The following CDIP1 variants were observed in gnomAD, a reference collection of about 807,000 sequenced individuals.
The protein encoded by CDIP1 is cell death-inducing p53-target protein 1.
CDIP1 carries 9 observed loss-of-function variants against 17.7 expected under a neutral mutation model. The observed-to-expected ratio is 0.51, with a 90% CI of 0.31 to 0.89. The LOEUF (loss-of-function observed/expected upper bound fraction) is 0.89. CDIP1 is among the 40% of genes least tolerant of loss of function. The probability of loss-of-function intolerance (pLI) is 0.05; values close to 1 mark genes in which losing one functional copy is unlikely to be tolerated. For synonymous variants in CDIP1, 117 were observed against 109.5 expected (o/e 1.07, Z -0.43); for missense variants, 263 against 277.9 (o/e 0.95, Z 0.38).
At position 4,512,553 on chromosome 16, in the gene CDIP1, G is replaced by T. The variant is rs775472252; in HGVS notation, c.*19C>A. ...GGGGGCCAGACTGACAGGCGGGGGA[G>T]TCCCGAGTCCCAGCTCCGTTAGCAC... On this transcript the variant is annotated 3_prime_UTR_variant, in exon 6 of 6. Transcript: ENST00000567695. The surrounding 1 kb of genome is among the most constrained non-coding windows in gnomAD (Gnocchi z 4.6). 1.3e-6 allele frequency: 2 copies of T among 1,572,558 alleles called. No homozygotes were observed. Among genetic ancestry groups the T allele is most frequent in the Admixed American group, 1.7e-5 (1 of 59,904 alleles).
Position 4,512,346 on chromosome 16 carries a change from A to C in CDIP1, c.*226T>G. 1 of 592,596 alleles carries C rather than the reference A, an allele frequency of 1.7e-6. No homozygotes were observed. Among genetic ancestry groups the C allele is most frequent in the East Asian group, 2.8e-5 (1 of 35,574 alleles). The allele number at this position is 592,596 out of a possible 1,614,324, so 36.7% of individuals were successfully genotyped here. Reference sequence around the variant, plus strand: ...AAGCAGACCAACAACACACAAGCTCATTGTCAGCCCCCTGCCACCCACTGA... The same window carrying C: ...AAGCAGACCAACAACACACAAGCTCCTTGTCAGCCCCCTGCCACCCACTGA... On this transcript the variant is annotated 3_prime_UTR_variant, in exon 6 of 6. Coordinates refer to ENST00000567695, the MANE Select transcript of CDIP1 (RefSeq NM_013399.3). The surrounding 1 kb of genome is among the most constrained non-coding windows in gnomAD (Gnocchi z 4.6).
intron 1 of CDIP1, among the ~76,000 whole-genome samples, chr16:4,516,698 C>CTTTTTTTTTTTTTTTTTTT (rs767463500): frequency 2.6e-5 from 2 of 78,056 alleles, no homozygotes; most frequent in Non-Finnish European, 4.5e-5. Flanking sequence ...GTTTTAAATC[C>CTTTTTTTTTTTTTTTTTTT]TTTTTTTTTT....
At chr16:4,529,017 T>C (rs1261463118) in intron 1 of CDIP1, among the ~76,000 whole-genome samples, 2 of 152,042 alleles carry the variant, frequency 1.3e-5, no homozygotes, top group East Asian at 3.8e-4. Context: ...CTACTCCTCA[T>C]ACTCCTCAAT....
At chr16:4,528,196 G>A (rs762266209) in intron 1 of CDIP1, among the ~76,000 whole-genome samples, 5 of 152,206 alleles carry the variant, frequency 3.3e-5, no homozygotes, top group African/African-American at 7.2e-5. Flanking sequence ...GTAGCACAGT[G>A]TGATTCTTCT....
chr16:4,537,478 G>A (rs2059120355), intron 1 of CDIP1, among the ~76,000 whole-genome samples: 1 of 152,188 alleles, frequency 6.6e-6, no homozygotes, highest in African/African-American at 2.4e-5. Context: ...AAGAACCCAG[G>A]AGAGCAGTAA....
At position 4,513,918 on chromosome 16, in the gene CDIP1, C is replaced by T; in HGVS notation, c.86-67G>A. On this transcript the variant is annotated intron_variant, in intron 3 of 5. Coordinates refer to ENST00000567695, the MANE Select transcript of CDIP1 (RefSeq NM_013399.3). This position sits in a 1 kb window ranked among gnomAD's most constrained non-coding sequence, Gnocchi z 4.1. The stretch of plus-strand genomic sequence containing the variant: ...TCTGCACGATGAGCTCGACCAGAGG[C>T]CACTGTTTTGGGACACAGATGGGGC... 1 of 1,470,070 alleles carries T rather than the reference C, an allele frequency of 6.8e-7. No individual in the cohort carries two copies. Among genetic ancestry groups the T allele is most frequent in the Non-Finnish European group, 9.1e-7 (1 of 1,094,816 alleles). The allele number at this position is 1,470,070 out of a possible 1,614,324, so 91.1% of individuals were successfully genotyped here.
In CDIP1 at chr16:4,513,045, G is replaced by T. The variant is rs1234073684; in HGVS notation, c.261C>A (p.Gly87=). ...YMPPGFYPPP[G]PHPPMGYYPP... ...GGTAGTAGCCCATGGGTGGGTGGGG[G>T]CCTGGAGGAGGGTAGAAACCTGGAA... is the stretch of plus-strand genomic sequence containing the variant. The change falls in exon 5 of 6, where the codon GGC becomes GGA. Residue 87 remains glycine, a synonymous_variant. Coordinates refer to ENST00000567695, the MANE Select transcript of CDIP1 (RefSeq NM_013399.3). The surrounding 1 kb of genome is among the most constrained non-coding windows in gnomAD (Gnocchi z 4.1). 1.3e-6 allele frequency: 2 copies of T among 1,593,032 alleles called. No homozygotes were observed. The highest frequency in any genetic ancestry group is 1.3e-5 in the African/African-American group (1 of 74,526).
intron 1 of CDIP1, among the ~76,000 whole-genome samples, chr16:4,519,647 G>C (rs1188713850): frequency 3.9e-5 from 6 of 152,162 alleles, no homozygotes; most frequent in African/African-American, 1.4e-4. Context: ...AGGCTTAATG[G>C]GAGTTGTTTG....
chr16:4,518,321 G>T (rs111699821), intron 1 of CDIP1, among the ~76,000 whole-genome samples: 62 of 152,332 alleles, frequency 4.1e-4, no homozygotes, highest in African/African-American at 1.4e-3. Context: ...ATGATGATAG[G>T]GTGTAAGCCC....
chr16:4,526,668 C>T lies in CDIP1; in HGVS notation c.-104-12004G>A, dbSNP rs567663653. 2.0e-4 allele frequency among the ~76,000 whole-genome samples: 31 copies of T among 151,222 alleles called. No homozygotes were observed. In the South Asian group the frequency reaches 6.5e-3, roughly 32 times the overall value. ...TGAGCTGAGATCGCGCCACTACACTCCAGCCTGGGCAACAGAGTGAGACTC... is the reference window on the plus strand; with the variant it reads ...TGAGCTGAGATCGCGCCACTACACTTCAGCCTGGGCAACAGAGTGAGACTC... On this transcript the variant is annotated intron_variant, in intron 1 of 5. Transcript: ENST00000567695.
At chr16:4,534,241 G>A (rs761512270) in intron 1 of CDIP1, among the ~76,000 whole-genome samples, 10 of 152,126 alleles carry the variant, frequency 6.6e-5, no homozygotes, top group East Asian at 5.8e-4. Flanking sequence ...ATGAGCCACC[G>A]CACCCAGCCC....
In CDIP1 at chr16:4,513,998, G is replaced by T; in HGVS notation, c.85+48C>A. 1 of 1,351,530 alleles carries T rather than the reference G, an allele frequency of 7.4e-7. No individual in the cohort carries two copies. 83.7% of individuals were successfully genotyped at this position (1,351,530 alleles called of 1,614,324 possible). ...ACTTAGAGAGTCCCAACCATGCCAT[G>T]GCGGCAGGGGGCTGCAATATGGAGC... On this transcript the variant is annotated intron_variant, in intron 3 of 5. Transcript: ENST00000567695. The surrounding 1 kb of genome is among the most constrained non-coding windows in gnomAD (Gnocchi z 4.1).
rs1231864050 is a variant in CDIP1 at position 4,513,058 on chromosome 16, T to C, written c.248A>G (p.Tyr83Cys). The C allele has an allele frequency of 1.9e-6, 3 of 1,585,662 alleles. No homozygotes were observed. Among genetic ancestry groups the C allele is most frequent in the Non-Finnish European group, 2.6e-6 (3 of 1,170,052 alleles). Residue 83 changes from tyrosine to cysteine, a missense_variant, in exon 5 of 6, where the codon TAC becomes TGC. By Grantham distance (194) the Tyr-to-Cys change is radical. Transcript: ENST00000567695. This position sits in a 1 kb window ranked among gnomAD's most constrained non-coding sequence, Gnocchi z 4.1. ...GGGTGGGTGGGGGCCTGGAGGAGGG[T>C]AGAAACCTGGAATGGCACAGAAGAT... ...ADGTYMPPGF[Y>C]PPPGPHPPMG...
At chr16:4,515,947 A>C (rs1306655128) in intron 1 of CDIP1, among the ~76,000 whole-genome samples, 1 of 152,206 alleles carries the variant, frequency 6.6e-6, no homozygotes, top group Non-Finnish European at 1.5e-5. Context: ...AAAAGAAATG[A>C]AAACCTGTCT....
At chr16:4,537,932 C>G (rs2059126272) in intron 1 of CDIP1, among the ~76,000 whole-genome samples, 1 of 152,212 alleles carries the variant, frequency 6.6e-6, no homozygotes, top group Non-Finnish European at 1.5e-5. Flanking sequence ...CGCCACATCC[C>G]GACTCCACAC....
At chr16:4,522,530 A>G (rs997448284) in intron 1 of CDIP1, 3 of 152,412 alleles carry the variant, frequency 2.0e-5, no homozygotes, top group African/African-American at 7.2e-5. Flanking sequence ...TTTGCTGGGA[A>G]AACTGAAAGG....
chr16:4,510,810 C>T lies in CDIP1; in HGVS notation c.*1762G>A, dbSNP rs2141622268. ...TCTTTAAACTACTGACCAAGACTGC[C>T]ACCTTCATAATTCAGATGAGTTAGT... On this transcript the variant is annotated 3_prime_UTR_variant, in exon 6 of 6. Coordinates refer to ENST00000567695, the MANE Select transcript of CDIP1 (RefSeq NM_013399.3). The T allele has an allele frequency of 6.6e-6, 1 of 152,290 alleles. No individual in the cohort carries two copies. The highest frequency in any genetic ancestry group is 1.9e-4 in the East Asian group (1 of 5,186). The allele number at this position is 152,290 out of a possible 1,614,324, so 9.4% of individuals were successfully genotyped here. A position where few individuals can be genotyped will look rare whatever the true frequency, so the allele number is the denominator to read the frequency against.
chr16:4,519,233 A>G lies in CDIP1; in HGVS notation c.-104-4569T>C, dbSNP rs184141091. On this transcript the variant is annotated intron_variant, in intron 1 of 5. Transcript: ENST00000567695. ...CCTGTTTCTCCTCTGCTTTCACACCATAACAATCAACAGAAAAGACTTCTG... is the reference window on the plus strand; with the variant it reads ...CCTGTTTCTCCTCTGCTTTCACACCGTAACAATCAACAGAAAAGACTTCTG... 1.6e-4 allele frequency among the ~76,000 whole-genome samples: 25 copies of G among 152,340 alleles called. 1 individual carries two copies. Among genetic ancestry groups the G allele is most frequent in the African/African-American group, 5.8e-4 (24 of 41,572 alleles).
chr16:4,512,365 C>T lies in CDIP1; in HGVS notation c.*207G>A, dbSNP rs2058839663. 1.7e-6 allele frequency: 1 copy of T among 600,398 alleles called. No individual in the cohort carries two copies. The highest frequency in any genetic ancestry group is 2.0e-5 in the South Asian group (1 of 51,194). 37.2% of individuals were successfully genotyped at this position (600,398 alleles called of 1,614,324 possible). A position where few individuals can be genotyped will look rare whatever the true frequency, so the allele number is the denominator to read the frequency against. On this transcript the variant is annotated 3_prime_UTR_variant, in exon 6 of 6. Coordinates refer to ENST00000567695, the MANE Select transcript of CDIP1 (RefSeq NM_013399.3). This position sits in a 1 kb window ranked among gnomAD's most constrained non-coding sequence, Gnocchi z 4.6. ...AAGCTCATTGTCAGCCCCCTGCCAC[C>T]CACTGACCCTTGGCCTTAAATCCCA...
Sources: gnomAD v4.1 joint callset for allele counts (sites outside exome capture counted in the v4.1 genomes callset) on GRCh38, gnomAD v4.1.1 for gene constraint, Gnocchi (gnomAD v3.1) non-coding constraint, MANE v1.5 for transcripts, NCBI Gene and HGNC (gene_info 2026-07-23, HGNC 2026-07-21) for gene names.